ARMC8: variants seen among roughly 807,000 people sequenced by gnomAD.
The protein encoded by ARMC8 is armadillo repeat-containing protein 8.
A neutral mutation model predicts 99.3 loss-of-function variants in ARMC8; 20 were observed. That is an observed-to-expected ratio of 0.20 (90% CI 0.14 to 0.29). ARMC8 has a LOEUF of 0.29. ARMC8 is among the 10% of genes least tolerant of loss of function. The pLI is 1.00. For synonymous variants in ARMC8, 263 were observed against 278.3 expected (o/e 0.95, Z 0.55); for missense variants, 569 against 809.5 (o/e 0.70, Z 3.60).
At chr3:138,292,025 T>C (rs1375135490) in intron 21 of ARMC8, among the ~76,000 whole-genome samples, 2 of 152,130 alleles carry the variant, frequency 1.3e-5, no homozygotes, top group Non-Finnish European at 2.9e-5. Flanking sequence ...CCTTTTCCTT[T>C]TTCTTTTTTT....
intron 21 of ARMC8, 70 bp downstream of exon 21, chr3:138,290,709 T>C (rs546761662): frequency 2.0e-6 from 2 of 1,023,572 alleles, no homozygotes; most frequent in Non-Finnish European, 2.9e-6. Context: ...TTTGAATTGC[T>C]TGGTAATTAA....
chr3:138,204,145 A>G (rs1043323633), intron 1 of ARMC8, among the ~76,000 whole-genome samples: 7 of 152,040 alleles, frequency 4.6e-5, no homozygotes, highest in Admixed American at 2.0e-4. Context: ...AGTGGCTTGG[A>G]TCTTGTGGAG....
intron 6 of ARMC8, among the ~76,000 whole-genome samples, chr3:138,230,729 T>TC (rs1434485700): frequency 6.6e-6 from 1 of 152,106 alleles, no homozygotes; most frequent in Non-Finnish European, 1.5e-5. Flanking sequence ...AGCACAGTAA[T>TC]CCCAAAAGGC....
chr3:138,271,467 C>T (rs1048748973), intron 16 of ARMC8, among the ~76,000 whole-genome samples: 23 of 152,170 alleles, frequency 1.5e-4, no homozygotes, highest in Admixed American at 1.5e-3. Context: ...ACTTAAATGG[C>T]GTATGGGACT....
At chr3:138,190,769 A>T (rs904407517) in intron 1 of ARMC8, among the ~76,000 whole-genome samples, 9 of 152,208 alleles carry the variant, frequency 5.9e-5, no homozygotes, top group African/African-American at 2.2e-4. Context: ...GCCATTTGCT[A>T]GGCAAGCATG....
intron 1 of ARMC8, among the ~76,000 whole-genome samples, chr3:138,193,625 T>A (rs1181485192): frequency 6.6e-6 from 1 of 152,222 alleles, no homozygotes; most frequent in Admixed American, 6.5e-5. Flanking sequence ...TGCAAATATT[T>A]TCTCCTAATC....
intron 19 of ARMC8, chr3:138,287,554 C>A (rs1329591681): frequency 2.2e-6 from 1 of 448,980 alleles, no homozygotes; most frequent in Non-Finnish European, 4.5e-6. Flanking sequence ...ATAGTATATA[C>A]AAGCTCATTT....
chr3:138,257,599 A>T (rs1352418143), intron 12 of ARMC8, among the ~76,000 whole-genome samples: 1 of 151,980 alleles, frequency 6.6e-6, no homozygotes, highest in East Asian at 1.9e-4. Flanking sequence ...CCTAGTCTCT[A>T]TCCCATTTCC....
At chr3:138,267,321 T>A in intron 15 of ARMC8, 80 bp downstream of exon 15, 1 of 827,138 alleles carries the variant, frequency 1.2e-6, no homozygotes, top group Non-Finnish European at 1.8e-6. Context: ...TAGTTGACAT[T>A]GAAATCTGTG....
intron 10 of ARMC8, among the ~76,000 whole-genome samples, chr3:138,241,085 T>G (rs2046593930): frequency 6.6e-6 from 1 of 152,204 alleles, no homozygotes; most frequent in Non-Finnish European, 1.5e-5. Context: ...ATGTCTGTAA[T>G]ATTTTTATTG....
Position 138,267,175 on chromosome 3 carries a change from T to A in ARMC8, c.1320T>A (p.Asp440Glu). 6.3e-7 allele frequency: 1 copy of A among 1,576,484 alleles called. No homozygotes were observed. Among genetic ancestry groups the A allele is most frequent in the Non-Finnish European group, 8.6e-7 (1 of 1,158,774 alleles). The part of the protein sequence containing the change: ...PLMKVLQNAP[D>E]EILVVASSML... Reference sequence around the variant, plus strand: ...CATAGGTTTTACAAAATGCACCAGATGAAATCCTAGTGGTAGCATCTTCCA... The same window carrying A: ...CATAGGTTTTACAAAATGCACCAGAAGAAATCCTAGTGGTAGCATCTTCCA... Residue 440 changes from aspartate to glutamate, a missense_variant, in exon 15 of 22, where the codon GAT (aspartate) becomes GAA (glutamate). Physicochemically the swap from Asp to Glu is conservative, Grantham distance 45. Around this residue, in one of 2 missense-constraint regions of ARMC8, gnomAD observed 227 missense variants for 417.9 expected, o/e 0.54. Coordinates refer to ENST00000469044, the MANE Select transcript of ARMC8 (RefSeq NM_001363941.2).
chr3:138,270,902 T>C (rs1446754095), intron 16 of ARMC8, among the ~76,000 whole-genome samples: 2 of 152,216 alleles, frequency 1.3e-5, no homozygotes, highest in Non-Finnish European at 2.9e-5. Flanking sequence ...ATTTACAATT[T>C]AATTGCTCTG....
intron 1 of ARMC8, among the ~76,000 whole-genome samples, chr3:138,207,561 G>A (rs985418659): frequency 6.6e-6 from 1 of 152,140 alleles, no homozygotes; most frequent in African/African-American, 2.4e-5. Context: ...CTCTGGATAG[G>A]AGGGTCTGAG....
chr3:138,198,673 C>T (rs1433229528), intron 1 of ARMC8, among the ~76,000 whole-genome samples: 1 of 151,910 alleles, frequency 6.6e-6, no homozygotes, highest in East Asian at 1.9e-4. Flanking sequence ...CCACCACACC[C>T]AGCTAATTTT....
At chr3:138,235,798 CTTTTTTTTTT>C (rs71146120) in intron 7 of ARMC8, among the ~76,000 whole-genome samples, 1 of 80,540 alleles carries the variant, frequency 1.2e-5, no homozygotes, top group Admixed American at 1.5e-4. Flanking sequence ...TCCTTTTAGT[CTTTTTTTTTT>C]TTTTTTTTTT....
intron 7 of ARMC8, among the ~76,000 whole-genome samples, chr3:138,235,896 C>G (rs1335318136): frequency 1.3e-5 from 2 of 150,210 alleles, no homozygotes; most frequent in African/African-American, 4.9e-5. Flanking sequence ...AGCTCCGCCT[C>G]CCACGTTCAC....
At chr3:138,282,388 C>CGGG (rs1209443092) in intron 18 of ARMC8, among the ~76,000 whole-genome samples, 3 of 152,138 alleles carry the variant, frequency 2.0e-5, no homozygotes, top group Non-Finnish European at 4.4e-5. Context: ...TGGCTCATGC[C>CGGG]TGTAATCCCA....
At position 138,272,996 on chromosome 3, in the gene ARMC8, A is replaced by G; in HGVS notation, c.1509A>G (p.Ile503Met). The G allele has an allele frequency of 6.2e-7, 1 of 1,605,698 alleles. No homozygotes were observed. Among genetic ancestry groups the G allele is most frequent in the South Asian group, 1.1e-5 (1 of 88,644 alleles). The change falls in exon 17 of 22, where the codon ATA becomes ATG. Residue 503 changes from isoleucine (I) to methionine (M), a missense_variant. Around this residue, in one of 2 missense-constraint regions of ARMC8, gnomAD observed 227 missense variants for 417.9 expected, o/e 0.54. Transcript: ENST00000469044. The stretch of plus-strand genomic sequence containing the variant: ...TGGCATTTCAGGCTGAACAAAAAAT[A>G]AAAGCAGATATTTTACGAAGCTTGA... ...MNMAFQAEQK[I>M]KADILRSLST...
chr3:138,187,677 G>A (rs953126560), intron 1 of ARMC8, 78 bp downstream of exon 1: 1 of 1,468,450 alleles, frequency 6.8e-7, no homozygotes, highest in Non-Finnish European at 9.2e-7. Context: ...CAAGCGTGGT[G>A]TGCCTCCTGG....
Sources: allele counts gnomAD v4.1 joint callset (sites outside exome capture counted in the v4.1 genomes callset), GRCh38; gene constraint gnomAD v4.1.1; regional missense constraint gnomAD v4.1.1; transcripts MANE v1.5; gene names NCBI Gene and HGNC (gene_info 2026-07-23, HGNC 2026-07-21).